The following RFC3 variants were observed in gnomAD, a reference collection of about 807,000 sequenced individuals.
The protein encoded by RFC3 is A1 38 kDa subunit.
A neutral mutation model predicts 45.1 loss-of-function variants in RFC3; 41 were observed. The ratio of observed to expected loss-of-function variants is 0.91; its 90% confidence interval spans 0.71 to 1.18. The LOEUF (loss-of-function observed/expected upper bound fraction) is 1.18, where lower values mean the gene tolerates loss of function less well. RFC3 is among the 50% of genes most tolerant of loss of function. The pLI, the probability that RFC3 is intolerant of heterozygous loss-of-function variation, is 0.00. For synonymous variants in RFC3, 149 were observed against 144.0 expected (o/e 1.03, Z -0.25); for missense variants, 423 against 428.1 (o/e 0.99, Z 0.10).
chr13:33,904,420 T>C (rs951348612), intron 8 of RFC3, among the ~76,000 whole-genome samples: 21 of 152,032 alleles, frequency 1.4e-4, no homozygotes, highest in African/African-American at 4.1e-4. Context: ...TGTCCCAACA[T>C]GTGTTCTCCC....
intron 8 of RFC3, among the ~76,000 whole-genome samples, chr13:33,904,784 C>T (rs374084064): frequency 6.6e-6 from 1 of 152,046 alleles, no homozygotes. Flanking sequence ...CTCAGAACAC[C>T]GTTTCCTCAG....
chr13:33,830,636 T>G lies in RFC3; in HGVS notation c.574-83T>G, dbSNP rs968829523. Reference sequence around the variant, plus strand: ...AAGAATTTTGAGAGTAATACAGTTATAAGGGTCTAGGAGGATATCAACAGA... The same window carrying G: ...AAGAATTTTGAGAGTAATACAGTTAGAAGGGTCTAGGAGGATATCAACAGA... On this transcript the variant is annotated intron_variant, in intron 5 of 8. Transcript: ENST00000380071. The G allele has an allele frequency of 3.6e-6, 4 of 1,106,588 alleles. No individual in the cohort carries two copies. In the African/African-American group the frequency reaches 4.7e-5, roughly 13 times the overall value. The allele number at this position is 1,106,588 out of a possible 1,614,324, so 68.5% of individuals were successfully genotyped here. A position where few individuals can be genotyped will look rare whatever the true frequency, so the allele number is the denominator to read the frequency against.
chr13:33,918,873 G>A (rs1425974368), intron 8 of RFC3, among the ~76,000 whole-genome samples: 2 of 152,100 alleles, frequency 1.3e-5, no homozygotes, highest in Admixed American at 1.3e-4. Context: ...ACGGCGATCA[G>A]AAAGTTTTTA....
At chr13:33,952,425 T>A (rs1274743103) in intron 8 of RFC3, among the ~76,000 whole-genome samples, 1 of 94,928 alleles carries the variant, frequency 1.1e-5, no homozygotes, top group East Asian at 3.2e-4. Context: ...AAATAGGAAT[T>A]TTTGGAAAGT....
At chr13:33,853,208 G>A (rs1253898365) in intron 8 of RFC3, among the ~76,000 whole-genome samples, 1 of 152,108 alleles carries the variant, frequency 6.6e-6, no homozygotes, top group Non-Finnish European at 1.5e-5. Context: ...AGACTTTTAA[G>A]ACTCCCTCTC....
At chr13:33,849,739 G>C (rs192850742) in intron 8 of RFC3, 1 of 152,248 alleles carries the variant, frequency 6.6e-6, no homozygotes, top group African/African-American at 2.4e-5. Context: ...TTAGCTGGGA[G>C]TAGTGGTGCG....
chr13:33,881,379 T>C (rs1029382079), intron 8 of RFC3, among the ~76,000 whole-genome samples: 3 of 152,192 alleles, frequency 2.0e-5, no homozygotes, highest in Non-Finnish European at 2.9e-5. Context: ...GGCATTGTTG[T>C]AGGCTCTGTG....
At chr13:33,917,450 G>C (rs915180183) in intron 8 of RFC3, among the ~76,000 whole-genome samples, 3 of 151,964 alleles carry the variant, frequency 2.0e-5, no homozygotes, top group Admixed American at 2.0e-4. Context: ...GCCTCTTCAG[G>C]ATCTCCTTAA....
intron 8 of RFC3, among the ~76,000 whole-genome samples, chr13:33,880,928 C>T (rs868659064): frequency 3.3e-5 from 5 of 152,066 alleles, no homozygotes; most frequent in Non-Finnish European, 4.4e-5. Context: ...TGGTGGTGGG[C>T]GCCTGTAGTC....
intron 8 of RFC3, among the ~76,000 whole-genome samples, chr13:33,885,582 A>G (rs1192425932): frequency 1.3e-5 from 2 of 152,236 alleles, no homozygotes; most frequent in Non-Finnish European, 2.9e-5. Context: ...GCAAATAAAA[A>G]TTAAGTATAA....
chr13:33,914,069 G>A (rs1271640542), intron 8 of RFC3, among the ~76,000 whole-genome samples: 1 of 152,042 alleles, frequency 6.6e-6, no homozygotes, highest in Non-Finnish European at 1.5e-5. Flanking sequence ...GTTAAAGATT[G>A]GAAATGATGA....
intron 8 of RFC3, among the ~76,000 whole-genome samples, chr13:33,879,515 T>C (rs2082468619): frequency 6.6e-6 from 1 of 152,098 alleles, no homozygotes; most frequent in South Asian, 2.1e-4. Context: ...TTCAAAGTCT[T>C]AGGGGAAAAA....
At chr13:33,882,230 T>G (rs1458839065) in intron 8 of RFC3, among the ~76,000 whole-genome samples, 1 of 152,238 alleles carries the variant, frequency 6.6e-6, no homozygotes, top group Non-Finnish European at 1.5e-5. Flanking sequence ...TGCTATGAAC[T>G]AAACTATACA....
chr13:33,916,977 CAATTTCT>C (rs1248139358), intron 8 of RFC3, among the ~76,000 whole-genome samples: 1 of 152,068 alleles, frequency 6.6e-6, no homozygotes, highest in Non-Finnish European at 1.5e-5. Flanking sequence ...ATTAAAGATG[CAATTTCT>C]AAATGAGTGC....
At chr13:33,833,669 T>C (rs1272438234) in intron 7 of RFC3, among the ~76,000 whole-genome samples, 3 of 152,130 alleles carry the variant, frequency 2.0e-5, no homozygotes, top group African/African-American at 7.2e-5. Flanking sequence ...GAATCAACTT[T>C]TCAGAAGTAA....
chr13:33,838,097 T>C (rs2082171431), downstream of RFC3, among the ~76,000 whole-genome samples: 1 of 152,158 alleles, frequency 6.6e-6, no homozygotes. Context: ...TATGCATCTG[T>C]CTAATTCAGT....
At chr13:33,830,272 G>T (rs1014275495) in intron 5 of RFC3, among the ~76,000 whole-genome samples, 1 of 152,120 alleles carries the variant, frequency 6.6e-6, no homozygotes, top group African/African-American at 2.4e-5. Context: ...CTAGGTAAGG[G>T]CTAGTTATTT....
chr13:33,880,708 T>A (rs914957264), intron 8 of RFC3, among the ~76,000 whole-genome samples: 1 of 152,210 alleles, frequency 6.6e-6, no homozygotes, highest in African/African-American at 2.4e-5. Context: ...AATACCACCT[T>A]ACATTTTAAT....
chr13:33,911,930 C>T (rs1319251624), intron 8 of RFC3, among the ~76,000 whole-genome samples: 3 of 152,050 alleles, frequency 2.0e-5, no homozygotes, highest in Non-Finnish European at 2.9e-5. Context: ...GACATTAATG[C>T]TTCTTCTTGT....
Sources: gnomAD v4.1 joint callset for allele counts (sites outside exome capture counted in the v4.1 genomes callset) on GRCh38, gnomAD v4.1.1 for gene constraint, MANE v1.5 for transcripts, NCBI Gene and HGNC (gene_info 2026-07-23, HGNC 2026-07-21) for gene names.